Variants in ANO6 observed in about 807,000 individuals in gnomAD.
ANO6 encodes the protein anoctamin 6.
In ANO6, 106 loss-of-function variants were observed where a neutral mutation model predicts 117.5. That is an observed-to-expected ratio of 0.90 (90% CI 0.77 to 1.06). The LOEUF (loss-of-function observed/expected upper bound fraction) is 1.06, where lower values mean the gene tolerates loss of function less well. ANO6 is among the 50% of genes least tolerant of loss of function. The probability of loss-of-function intolerance (pLI) is 0.00; values close to 1 mark genes in which losing one functional copy is unlikely to be tolerated. For missense variants in ANO6, 955 were observed against 1,121.1 expected, an observed-to-expected ratio of 0.85 and a Z score of 2.12; for synonymous variants, 367 against 385.1, an observed-to-expected ratio of 0.95 and a Z score of 0.55.
At chr12:45,216,607 C>T (rs1947317074) in intron 1 of ANO6, among the ~76,000 whole-genome samples, 1 of 152,224 alleles carries the variant, frequency 6.6e-6, no homozygotes, top group African/African-American at 2.4e-5. Flanking sequence ...CGTGGTGGCC[C>T]CGAGGACAGG....
Position 45,430,236 on chromosome 12 carries a change from C to G in ANO6, c.*925C>G, listed in dbSNP as rs1943601217. 2 of 985,328 alleles carry G rather than the reference C, an allele frequency of 2.0e-6. No homozygotes were observed. Among genetic ancestry groups the G allele is most frequent in the African/African-American group, 3.5e-5 (2 of 57,240 alleles). 61.0% of individuals were successfully genotyped at this position (985,328 alleles called of 1,614,324 possible). On this transcript the variant is annotated 3_prime_UTR_variant, in exon 20 of 20. Transcript: ENST00000320560. Reference sequence around the variant, plus strand: ...TGGAAAAGATAAGCCCCTCAATTTTCTACCAGTTGACTTTTATTCATTAGA... The same window carrying G: ...TGGAAAAGATAAGCCCCTCAATTTTGTACCAGTTGACTTTTATTCATTAGA...
chr12:45,309,695 C>A (rs1939788543), intron 2 of ANO6, among the ~76,000 whole-genome samples: 1 of 26,236 alleles, frequency 3.8e-5, no homozygotes, highest in East Asian at 1.2e-3. Context: ...CTTGGCTAAT[C>A]CCAGAAACCC....
intron 1 of ANO6, among the ~76,000 whole-genome samples, chr12:45,292,457 G>A (rs183395217): frequency 6.6e-6 from 1 of 152,244 alleles, no homozygotes; most frequent in African/African-American, 2.4e-5. Flanking sequence ...GGCTAAAGTG[G>A]CAAACTTTAT....
At chr12:45,351,523 A>C (rs1941280179) in intron 7 of ANO6, among the ~76,000 whole-genome samples, 1 of 152,174 alleles carries the variant, frequency 6.6e-6, no homozygotes, top group Admixed American at 6.5e-5. Context: ...CAGAATTTCT[A>C]ATGGAAGTGA....
chr12:45,249,569 T>C (rs1166117009), intron 1 of ANO6, among the ~76,000 whole-genome samples: 1 of 152,240 alleles, frequency 6.6e-6, no homozygotes, highest in Non-Finnish European at 1.5e-5. Context: ...GTTCCCATTT[T>C]AAGGCATTTG....
chr12:45,387,737 C>T (rs1211975221), intron 10 of ANO6, among the ~76,000 whole-genome samples: 2 of 152,144 alleles, frequency 1.3e-5, no homozygotes, highest in Non-Finnish European at 2.9e-5. Context: ...TGTGTCCCCA[C>T]CCAAATCTCA....
chr12:45,401,998 G>T lies in ANO6; in HGVS notation c.1590G>T (p.Val530=). ...IMILNTIYEK[V]AIMITNFELP... is the part of the protein sequence containing the mutation. ...TTCTGAACACCATATATGAAAAAGTGGCAATTATGATTACTAACTTCGGTA... is the reference window on the plus strand; with the variant it reads ...TTCTGAACACCATATATGAAAAAGTTGCAATTATGATTACTAACTTCGGTA... Residue 530 remains valine (V), a synonymous_variant, in exon 13 of 20, where the codon GTG becomes GTT. Coordinates refer to ENST00000320560, the MANE Select transcript of ANO6 (RefSeq NM_001025356.3). 6.2e-7 allele frequency: 1 copy of T among 1,613,748 alleles called. No individual in the cohort carries two copies. Among genetic ancestry groups the T allele is most frequent in the South Asian group, 1.1e-5 (1 of 91,070 alleles).
rs574144782 is a variant in ANO6 at position 45,269,803 on chromosome 12, C to T, written c.71-32211C>T. Reference sequence around the variant, plus strand: ...TGGTACAGTCCCGTTTAAGATCCTTCGGTGGCCTTTGGCATTTAGTTTTCT... The same window carrying T: ...TGGTACAGTCCCGTTTAAGATCCTTTGGTGGCCTTTGGCATTTAGTTTTCT... On this transcript the variant is annotated intron_variant, in intron 1 of 19. Coordinates refer to ENST00000320560, the MANE Select transcript of ANO6 (RefSeq NM_001025356.3). 1.7e-4 allele frequency among the ~76,000 whole-genome samples: 26 copies of T among 152,320 alleles called. 1 individual carries two copies. The highest frequency in any genetic ancestry group is 1.2e-3 in the South Asian group (6 of 4,830).
chr12:45,372,585 C>A (rs1370159747), intron 9 of ANO6, among the ~76,000 whole-genome samples: 1 of 146,506 alleles, frequency 6.8e-6, no homozygotes, highest in South Asian at 2.3e-4. Context: ...GAATTTTCAA[C>A]CCAGAATTTC....
intron 2 of ANO6, among the ~76,000 whole-genome samples, chr12:45,325,488 C>G (rs1940429468): frequency 1.3e-5 from 2 of 152,112 alleles, no homozygotes; most frequent in Admixed American, 6.6e-5. Flanking sequence ...TTTTTTACCA[C>G]CTGTCTTGTT....
Position 45,348,065 on chromosome 12 carries a change from C to T in ANO6, c.383C>T (p.Ala128Val), listed in dbSNP as rs751488930. The part of the protein sequence containing the change: ...DDKLVFVKVH[A>V]PWEVLCTYAE... ...AAGCTTGTATTTGTAAAAGTACACG[C>T]ACCATGGGAGGTGTTATGTACGTAT... Residue 128 changes from alanine (A) to valine (V), a missense_variant, in exon 5 of 20, where the codon GCA (alanine) becomes GTA (valine). Physicochemically the swap from Ala to Val is moderately conservative, Grantham distance 64 (BLOSUM62 0). Transcript: ENST00000320560. 1.5e-5 allele frequency: 24 copies of T among 1,613,802 alleles called. No homozygotes were observed. The highest frequency in any genetic ancestry group is 1.8e-5 in the Non-Finnish European group (21 of 1,179,922).
At chr12:45,417,072 T>C (rs1330048999) in intron 17 of ANO6, among the ~76,000 whole-genome samples, 168 bp downstream of exon 17, 3 of 152,212 alleles carry the variant, frequency 2.0e-5, no homozygotes, top group African/African-American at 7.2e-5. Flanking sequence ...TGTATTTTCA[T>C]TTTGTATATA....
chr12:45,218,974 C>G (rs948904678), intron 1 of ANO6, among the ~76,000 whole-genome samples: 1 of 152,162 alleles, frequency 6.6e-6, no homozygotes, highest in Non-Finnish European at 1.5e-5. Context: ...GGGTCTTGCT[C>G]TGTCACCTAG....
chr12:45,423,207 A>T, intron 19 of ANO6, 145 bp downstream of exon 19: 1 of 703,376 alleles, frequency 1.4e-6, no homozygotes, highest in Non-Finnish European at 2.5e-6. Flanking sequence ...ATCAGTATTG[A>T]CCTGAAAATA....
chr12:45,259,902 C>T (rs917776856), intron 1 of ANO6, among the ~76,000 whole-genome samples: 2 of 152,244 alleles, frequency 1.3e-5, no homozygotes, highest in Non-Finnish European at 2.9e-5. Flanking sequence ...GCACTAGCCT[C>T]CCACAGGCAC....
At chr12:45,367,302 T>C (rs1281542858) in intron 8 of ANO6, among the ~76,000 whole-genome samples, 4 of 152,210 alleles carry the variant, frequency 2.6e-5, no homozygotes, top group African/African-American at 9.6e-5. Context: ...TTATTAATTC[T>C]AATAATTTAT....
chr12:45,425,742 A>G (rs1943485872), intron 19 of ANO6, among the ~76,000 whole-genome samples: 1 of 152,226 alleles, frequency 6.6e-6, no homozygotes, highest in African/African-American at 2.4e-5. Flanking sequence ...CAGAGATGAG[A>G]AAGAGGAAAT....
At chr12:45,346,897 T>C (rs1424306521) in intron 3 of ANO6, 125 bp from the exon 4 acceptor site, 11 of 816,092 alleles carry the variant, frequency 1.3e-5, no homozygotes, top group Non-Finnish European at 2.3e-5. Flanking sequence ...CTTGACCAAA[T>C]GCTGATGCAT....
chr12:45,410,608 A>C (rs2137661830), intron 16 of ANO6, among the ~76,000 whole-genome samples: 1 of 152,256 alleles, frequency 6.6e-6, no homozygotes, highest in South Asian at 2.1e-4. Flanking sequence ...GTGCCCTTTC[A>C]GCTAACCATT....
Sources: gnomAD v4.1 joint callset for allele counts (sites outside exome capture counted in the v4.1 genomes callset) on GRCh38, gnomAD v4.1.1 for gene constraint, MANE v1.5 for transcripts, NCBI Gene and HGNC (gene_info 2026-07-23, HGNC 2026-07-21) for gene names.